MXD3: variants seen among roughly 807,000 people sequenced by gnomAD.
MXD3 encodes the protein MAX dimerization protein 3.
In MXD3, 20 loss-of-function variants were observed where a neutral mutation model predicts 27.5. That is an observed-to-expected ratio of 0.73 (90% CI 0.51 to 1.06). The LOEUF (loss-of-function observed/expected upper bound fraction) is 1.06, where lower values mean the gene tolerates loss of function less well. MXD3 is among the 50% of genes least tolerant of loss of function. The pLI, the probability that MXD3 is intolerant of heterozygous loss-of-function variation, is 0.00. For missense variants in MXD3, 298 were observed against 291.3 expected, an observed-to-expected ratio of 1.02 and a Z score of -0.17; for synonymous variants, 150 against 130.7, an observed-to-expected ratio of 1.15 and a Z score of -1.01.
downstream of MXD3, chr5:177,306,302 G>A (rs542467772): frequency 3.8e-6 from 6 of 1,567,838 alleles, no homozygotes; most frequent in Non-Finnish European, 5.3e-6. Context: ...GGGGTGGGAG[G>A]AGGGTGAATA....
chr5:177,307,207 A>C (rs1261127671), downstream of MXD3: 12 of 1,551,408 alleles, frequency 7.7e-6, no homozygotes, highest in Non-Finnish European at 1.0e-5. Flanking sequence ...TATGGACGGG[A>C]AGTTATGAAA....
downstream of MXD3, chr5:177,306,975 G>T: frequency 7.9e-7 from 1 of 1,271,562 alleles, no homozygotes; most frequent in Non-Finnish European, 1.1e-6. Context: ...GGAGTCGGAA[G>T]GCTCTGGTTT....
Position 177,311,897 on chromosome 5 carries a change from T to C in MXD3, c.-67A>G. On this transcript the variant is annotated 5_prime_UTR_variant, in exon 1 of 6. Coordinates refer to ENST00000439742, the MANE Select transcript of MXD3 (RefSeq NM_031300.4). ...GGAGCAAGCGGCTGCAGCACTTTTG[T>C]TACAAAGTAACTGACACGGTGCAAC... The C allele has an allele frequency of 1.3e-6, 2 of 1,549,646 alleles. No individual in the cohort carries two copies. The highest frequency in any genetic ancestry group is 4.8e-5 in the East Asian group (2 of 41,972).
chr5:177,312,347 T>C (rs1046049451), upstream of MXD3: 28 of 985,724 alleles, frequency 2.8e-5, 1 homozygote, highest in African/African-American at 1.0e-4. Context: ...CAAGGATCGC[T>C]GTTGTCATCC....
upstream of MXD3, chr5:177,311,908 C>T: frequency 6.5e-7 from 1 of 1,527,998 alleles, no homozygotes; most frequent in Admixed American, 2.1e-5. Flanking sequence ...TACAAAGTAA[C>T]TGACACGGTG....
At chr5:177,308,102 G>A in intron 4 of MXD3, 138 bp from the exon 5 acceptor site, 7 of 803,598 alleles carry the variant, frequency 8.7e-6, no homozygotes, top group Non-Finnish European at 1.3e-5. Context: ...CCAGGCCCCA[G>A]AGGGTTGCAC....
upstream of MXD3, chr5:177,312,395 C>G (rs1019370062): frequency 1.2e-5 from 12 of 985,488 alleles, no homozygotes; most frequent in African/African-American, 2.1e-4. Context: ...GCCCTATTGG[C>G]TGGCGCTCTG....
chr5:177,306,421 G>C (rs561502395), downstream of MXD3: 3 of 1,614,044 alleles, frequency 1.9e-6, no homozygotes, highest in South Asian at 2.2e-5. Flanking sequence ...GTTCGCGACA[G>C]GCGAGGCCCC....
chr5:177,312,088 A>G, upstream of MXD3: 1 of 1,180,820 alleles, frequency 8.5e-7, no homozygotes, highest in Non-Finnish European at 1.1e-6. Flanking sequence ...CGCTGGCTCC[A>G]GGCCTGGCCC....
rs1440079615 is a variant in MXD3 at position 177,311,365 on chromosome 5, C to T, written c.176+14G>A. On this transcript the variant is annotated intron_variant, in intron 2 of 5. Transcript: ENST00000439742. Reference sequence around the variant, plus strand: ...CACCCCCACCCCCACTCCCGCCGCCCCCGGCCTCCTCACCGCCCGCTGTCC... The same window carrying T: ...CACCCCCACCCCCACTCCCGCCGCCTCCGGCCTCCTCACCGCCCGCTGTCC... 2.1e-6 allele frequency: 3 copies of T among 1,435,998 alleles called. No homozygotes were observed. In the African/African-American group the frequency reaches 4.6e-5, roughly 22 times the overall value. 89.0% of individuals were successfully genotyped at this position (1,435,998 alleles called of 1,614,324 possible).
downstream of MXD3, chr5:177,306,401 G>T (rs780383596): frequency 1.9e-6 from 3 of 1,613,634 alleles, no homozygotes; most frequent in African/African-American, 4.0e-5. Flanking sequence ...TCTAAAGGCA[G>T]CCACCTGCCG....
downstream of MXD3, chr5:177,305,607 C>G (rs563107155): frequency 1.5e-5 from 7 of 477,396 alleles, no homozygotes; most frequent in Non-Finnish European, 2.3e-5. Context: ...AATCCAGGAG[C>G]AGGATGGGCT....
downstream of MXD3, chr5:177,307,024 A>G: frequency 6.9e-7 from 1 of 1,442,926 alleles, no homozygotes; most frequent in Non-Finnish European, 9.2e-7. Context: ...CAGGCGAGTC[A>G]CGTCACTCAG....
intron 2 of MXD3, 22 bp from the exon 3 acceptor site, chr5:177,310,719 A>G (rs13190036): frequency 0.87 from 1,403,453 of 1,613,712 alleles, 615,466 homozygotes; most frequent in African/African-American, 0.98. Flanking sequence ...AGAGAGGATG[A>G]GGTGAAGGGG....
Position 177,307,862 on chromosome 5 carries a change from C to G in MXD3, c.424G>C (p.Gly142Arg), listed in dbSNP as rs1406407523. 1 of 1,609,618 alleles carries G rather than the reference C, an allele frequency of 6.2e-7. No individual in the cohort carries two copies. Among genetic ancestry groups the G allele is most frequent in the Non-Finnish European group, 8.5e-7 (1 of 1,178,714 alleles). Residue 142 changes from glycine (G) to arginine (R), a missense_variant, in exon 5 of 6, where the codon GGG becomes CGG. By Grantham distance (125) the Gly-to-Arg change is moderately radical. Coordinates refer to ENST00000439742, the MANE Select transcript of MXD3 (RefSeq NM_031300.4). ...CGCAGCCGCTCCCGCTCGGCCGCCC[C>G]TGCCAGCCCCCGGAGCTGCTCCAGC... ...RQLEQLRGLA[G>R]AAERERLRAD...
In MXD3 at chr5:177,307,244, G is replaced by C; in HGVS notation, c.*344C>G. The C allele has an allele frequency of 6.4e-7, 1 of 1,551,740 alleles. No individual in the cohort carries two copies. The highest frequency in any genetic ancestry group is 8.7e-7 in the Non-Finnish European group (1 of 1,146,992). ...AGGCTTTTAATGAAAATACTGTACA[G>C]TTTATGTGAGGCAAAGGCAGGGGGC... On this transcript the variant is annotated 3_prime_UTR_variant, in exon 6 of 6. Coordinates refer to ENST00000439742, the MANE Select transcript of MXD3 (RefSeq NM_031300.4).
In MXD3 at chr5:177,311,878, A is replaced by G. The variant is rs1761048687; in HGVS notation, c.-48T>C. 6.3e-7 allele frequency: 1 copy of G among 1,584,758 alleles called. No individual in the cohort carries two copies. On this transcript the variant is annotated 5_prime_UTR_variant, in exon 1 of 6. Transcript: ENST00000439742. ...CCGGCCTAGGGTGCCGGCCGGAGCA[A>G]GCGGCTGCAGCACTTTTGTTACAAA...
At chr5:177,306,706 G>A, downstream of MXD3, 1 of 1,290,140 alleles carries the variant, frequency 7.8e-7, no homozygotes, top group Non-Finnish European at 1.1e-6. Context: ...ATGCAGTTTG[G>A]CATCTGCAGT....
chr5:177,309,632 G>A (rs1581590977), intron 4 of MXD3, among the ~76,000 whole-genome samples: 1 of 152,372 alleles, frequency 6.6e-6, no homozygotes, highest in East Asian at 1.9e-4. Context: ...GCCTAGAATA[G>A]GGCCTAGCAG....
Sources: gnomAD v4.1 joint callset for allele counts (sites outside exome capture counted in the v4.1 genomes callset) on GRCh38, gnomAD v4.1.1 for gene constraint, MANE v1.5 for transcripts, NCBI Gene and HGNC (gene_info 2026-07-23, HGNC 2026-07-21) for gene names.